Variants in TNR observed in about 807,000 individuals in gnomAD.
TNR encodes tenascin-R.
A neutral mutation model predicts 150.4 loss-of-function variants in TNR; 45 were observed. The ratio of observed to expected loss-of-function variants is 0.30; its 90% CI spans 0.24 to 0.38. TNR has a LOEUF of 0.38. Ranked by LOEUF, TNR falls within the 10% of genes least tolerant of loss-of-function variation. The pLI is 1.00. For missense variants in TNR, 1,544 were observed against 1,759.1 expected (o/e 0.88, Z 2.19); for synonymous variants, 687 against 678.4 (o/e 1.01, Z -0.20).
intron 1 of TNR, among the ~76,000 whole-genome samples, chr1:175,642,360 T>A (rs1030155618): frequency 1.3e-5 from 2 of 152,196 alleles, no homozygotes; most frequent in African/African-American, 4.8e-5. Flanking sequence ...ACTTGGCATG[T>A]TACTGAAACT....
intron 1 of TNR, among the ~76,000 whole-genome samples, chr1:175,662,722 A>C (rs1484681708): frequency 6.6e-6 from 1 of 152,168 alleles, no homozygotes; most frequent in Non-Finnish European, 1.5e-5. Context: ...TTAACTCTGC[A>C]AGACATTCCA....
At chr1:175,738,232 T>C (rs965755141) in intron 1 of TNR, among the ~76,000 whole-genome samples, 2 of 152,072 alleles carry the variant, frequency 1.3e-5, no homozygotes, top group Non-Finnish European at 2.9e-5. Context: ...GCAGAGGCAA[T>C]TGGCAAGAAT....
chr1:175,726,599 T>C (rs1043879622), intron 1 of TNR, among the ~76,000 whole-genome samples: 3 of 152,246 alleles, frequency 2.0e-5, no homozygotes, highest in African/African-American at 7.2e-5. Flanking sequence ...GAATATACTC[T>C]GTGACTAAGA....
intron 1 of TNR, among the ~76,000 whole-genome samples, chr1:175,650,696 T>C (rs59525451): frequency 0.57 from 16,898 of 29,576 alleles, 3,933 homozygotes; most frequent in African/African-American, 0.72. Flanking sequence ...TACCTTTCCC[T>C]ACCCCATTAC....
At chr1:175,575,978 G>A (rs1360291075) in intron 1 of TNR, among the ~76,000 whole-genome samples, 1 of 152,206 alleles carries the variant, frequency 6.6e-6, no homozygotes, top group Non-Finnish European at 1.5e-5. Context: ...GCTGCGATTC[G>A]AGACATCCTC....
chr1:175,365,482 T>C (rs1468294617), intron 11 of TNR, among the ~76,000 whole-genome samples: 2 of 152,206 alleles, frequency 1.3e-5, no homozygotes, highest in Non-Finnish European at 2.9e-5. Flanking sequence ...ATGGATTCTG[T>C]TAAAATGAGA....
intron 1 of TNR, among the ~76,000 whole-genome samples, chr1:175,628,103 G>A (rs183228569): frequency 2.7e-4 from 41 of 152,310 alleles, no homozygotes; most frequent in African/African-American, 9.4e-4. Context: ...GTAATTCTGG[G>A]CAGGGAACTA....
At position 175,522,152 on chromosome 1, in the gene TNR, G is replaced by T. The variant is rs192646705; in HGVS notation, c.-64+6117C>A. ...TTTTTCTCCTGCCTAAATGCCACAG[G>T]CTGGCGGCACTCGAAGCCACTGCTT... On this transcript the variant is annotated intron_variant, in intron 2 of 22. Transcript: ENST00000367674. Among the ~76,000 whole-genome samples, 553 of 152,098 alleles carry T rather than the reference G, an allele frequency of 3.6e-3. 1 individual carries two copies. Among genetic ancestry groups the T allele is most frequent in the Non-Finnish European group, 6.3e-3 (426 of 68,006 alleles).
At chr1:175,621,443 A>G (rs1571685248) in intron 1 of TNR, among the ~76,000 whole-genome samples, 1 of 151,018 alleles carries the variant, frequency 6.6e-6, no homozygotes, top group South Asian at 2.1e-4. Context: ...CCCCAAACTC[A>G]CCCCTGAGGT....
At position 175,403,456 on chromosome 1, in the gene TNR, G is replaced by A; in HGVS notation, c.660C>T (p.Ile220=). The stretch of plus-strand genomic sequence containing the variant: ...CATCCCCGCTGTACTCGCTGTCACA[G>A]ATGCACTGGCCATCCACACACACCC... ...SRGVCVDGQC[I]CDSEYSGDDC... Residue 220 remains isoleucine (I), a synonymous_variant, in exon 4 of 23, where the codon ATC becomes ATT. Coordinates refer to ENST00000367674, the MANE Select transcript of TNR (RefSeq NM_003285.3). The A allele has an allele frequency of 6.2e-7, 1 of 1,614,214 alleles. No homozygotes were observed. The highest frequency in any genetic ancestry group is 8.5e-7 in the Non-Finnish European group (1 of 1,180,042).
At chr1:175,626,684 T>G (rs1664167260) in intron 1 of TNR, among the ~76,000 whole-genome samples, 1 of 152,218 alleles carries the variant, frequency 6.6e-6, no homozygotes, top group African/African-American at 2.4e-5. Flanking sequence ...ATTTGTGTCT[T>G]AAAATACTAG....
At chr1:175,392,398 A>G (rs530554561) in intron 6 of TNR, among the ~76,000 whole-genome samples, 1 of 152,334 alleles carries the variant, frequency 6.6e-6, no homozygotes, top group South Asian at 2.1e-4. Flanking sequence ...CTCAACCTAC[A>G]GATCACAACA....
At position 175,657,471 on chromosome 1, in the gene TNR, G is replaced by C. The variant is rs574755084; in HGVS notation, c.-165+85755C>G. On this transcript the variant is annotated intron_variant, in intron 1 of 22. Coordinates refer to ENST00000367674, the MANE Select transcript of TNR (RefSeq NM_003285.3). ...TGCTGCTATCAAGACACATGCACACGTATGTTTATTGTGGCACTATTCACA... is the reference window on the plus strand; with the variant it reads ...TGCTGCTATCAAGACACATGCACACCTATGTTTATTGTGGCACTATTCACA... Among the ~76,000 whole-genome samples the C allele has an allele frequency of 2.0e-5, 3 of 152,024 alleles. 1 individual carries two copies.
intron 2 of TNR, among the ~76,000 whole-genome samples, chr1:175,508,350 G>T (rs1659038495): frequency 6.6e-6 from 1 of 152,138 alleles, no homozygotes; most frequent in Admixed American, 6.5e-5. Context: ...TGGTTGCTGT[G>T]GTGAGCAGCC....
At chr1:175,678,384 A>AT (rs1206301963) in intron 1 of TNR, among the ~76,000 whole-genome samples, 3 of 152,110 alleles carry the variant, frequency 2.0e-5, no homozygotes, top group Non-Finnish European at 4.4e-5. Context: ...TGGCATCTGT[A>AT]TTTTTTTAAA....
In TNR at chr1:175,365,230, A is replaced by G; in HGVS notation, c.2367T>C (p.Ser789=). The G allele has an allele frequency of 3.7e-6, 6 of 1,613,944 alleles. No individual in the cohort carries two copies. Among genetic ancestry groups the G allele is most frequent in the African/African-American group, 1.3e-5 (1 of 75,040 alleles). ...ATGGATCACTCCAAGTGATGTTCAC[A>G]CTGGAGGAGGTCACATGAGAAAAGT... ...HLHFSHVTSS[S]VNITWSDPSP... Residue 789 remains serine (S), a synonymous_variant, in exon 12 of 23, where the codon AGT becomes AGC. Transcript: ENST00000367674.
intron 10 of TNR, 27 bp from the exon 11 acceptor site, chr1:175,366,165 T>G (rs754366454): frequency 3.2e-6 from 5 of 1,561,204 alleles, no homozygotes; most frequent in Non-Finnish European, 4.3e-6. Flanking sequence ...ATGGCCTATT[T>G]TACATGTGTT....
chr1:175,722,507 C>T (rs1016180669), intron 1 of TNR, among the ~76,000 whole-genome samples: 1 of 152,078 alleles, frequency 6.6e-6, no homozygotes, highest in African/African-American at 2.4e-5. Context: ...CTCTGTTGCC[C>T]AGACTAGAGT....
At chr1:175,742,073 G>C (rs1333063259) in intron 1 of TNR, among the ~76,000 whole-genome samples, 2 of 152,198 alleles carry the variant, frequency 1.3e-5, no homozygotes, top group African/African-American at 2.4e-5. Context: ...GACTCAACCA[G>C]GTAGGTGTGG....
Sources: allele counts gnomAD v4.1 joint callset (sites outside exome capture counted in the v4.1 genomes callset), GRCh38; gene constraint gnomAD v4.1.1; transcripts MANE v1.5; gene names NCBI Gene and HGNC (gene_info 2026-07-23, HGNC 2026-07-21).